Variants in TUBB6 observed in about 807,000 individuals in gnomAD.
TUBB6 encodes the protein tubulin beta-6 chain.
A neutral mutation model predicts 32.3 loss-of-function variants in TUBB6; 18 were observed. The ratio of observed to expected loss-of-function variants is 0.56; its 90% CI spans 0.39 to 0.83. The LOEUF (loss-of-function observed/expected upper bound fraction) is 0.83. Ranked by LOEUF, TUBB6 falls within the 40% of genes least tolerant of loss-of-function variation. TUBB6 has a pLI of 0.00. For synonymous variants in TUBB6, 280 were observed against 265.8 expected (o/e 1.05, Z -0.52); for missense variants, 480 against 632.0 (o/e 0.76, Z 2.58).
chr18:12,327,423 C>A (rs1216734306), downstream of TUBB6, among the ~76,000 whole-genome samples: 1 of 152,256 alleles, frequency 6.6e-6, no homozygotes. Flanking sequence ...CCAGGCCTTA[C>A]ATTGACTAGC....
chr18:12,320,161 G>A (rs1191317551), intron 3 of TUBB6, among the ~76,000 whole-genome samples: 1 of 152,046 alleles, frequency 6.6e-6, no homozygotes, highest in Non-Finnish European at 1.5e-5. Context: ...CCAGGAGTTG[G>A]AGGCTGCAGT....
chr18:12,310,857 C>G, intron 2 of TUBB6, 86 bp from the exon 3 acceptor site: 1 of 871,490 alleles, frequency 1.1e-6, no homozygotes, highest in South Asian at 1.6e-5. Context: ...TTCCAGGCAG[C>G]TAGAACTGGT....
intron 3 of TUBB6, among the ~76,000 whole-genome samples, chr18:12,315,717 C>T (rs1170024323): frequency 6.6e-6 from 1 of 152,198 alleles, no homozygotes; most frequent in Admixed American, 6.5e-5. Flanking sequence ...GCACGCTGCA[C>T]TGTTTCCCAG....
At chr18:12,310,510 C>T (rs1458612207) in intron 2 of TUBB6, among the ~76,000 whole-genome samples, 1 of 139,968 alleles carries the variant, frequency 7.1e-6, no homozygotes, top group Admixed American at 7.2e-5. Context: ...AAAAAAAAGA[C>T]AAGGTCTCAC....
downstream of TUBB6, chr18:12,329,406 G>C (rs1266656985): frequency 1.3e-5 from 10 of 796,716 alleles, no homozygotes; most frequent in Admixed American, 1.0e-4. Flanking sequence ...TGTGACCTCT[G>C]AGGCTGAAAG....
At chr18:12,308,160 GGGGCCCGCAGCCATTGGCGAGCGGC>G (rs1906090419), upstream of TUBB6, 11 of 429,406 alleles carry the variant, frequency 2.6e-5, no homozygotes, top group Non-Finnish European at 3.4e-5. Context: ...GCGGCGGGGC[GGGGCCCGCAGCCATTGGCGAGCGGC>G]GGGGCGGGGG....
intron 2 of TUBB6, among the ~76,000 whole-genome samples, chr18:12,310,163 G>A (rs1006533446): frequency 6.6e-6 from 1 of 152,082 alleles, no homozygotes; most frequent in Non-Finnish European, 1.5e-5. Context: ...CAGTGTTAAG[G>A]TTCTAGGATT....
At chr18:12,310,568 T>C (rs984690282) in intron 2 of TUBB6, among the ~76,000 whole-genome samples, 1 of 151,380 alleles carries the variant, frequency 6.6e-6, no homozygotes, top group Non-Finnish European at 1.5e-5. Flanking sequence ...CTTGACCTCC[T>C]GGGTTCAGAT....
intron 3 of TUBB6, among the ~76,000 whole-genome samples, chr18:12,319,784 T>G (rs2144152533): frequency 6.6e-6 from 1 of 152,130 alleles, no homozygotes; most frequent in Middle Eastern, 3.4e-3. Flanking sequence ...GGGGACCCTC[T>G]CTACAAAATT....
chr18:12,311,182 C>T, intron 3 of TUBB6, 129 bp downstream of exon 3: 1 of 756,130 alleles, frequency 1.3e-6, no homozygotes, highest in South Asian at 1.7e-5. Context: ...CCCAGCCCCA[C>T]CCCTCCCATC....
intron 3 of TUBB6, among the ~76,000 whole-genome samples, chr18:12,314,633 T>C (rs1906571950): frequency 6.6e-6 from 1 of 152,146 alleles, no homozygotes; most frequent in African/African-American, 2.4e-5. Context: ...TCTGTGAATT[T>C]TTATAGATAA....
At chr18:12,308,576 G>C (rs1264768331) in intron 1 of TUBB6, 111 bp from the exon 2 acceptor site, 1 of 854,126 alleles carries the variant, frequency 1.2e-6, no homozygotes, top group Non-Finnish European at 1.8e-6. Flanking sequence ...GGCTGCCGGC[G>C]GCTCAGGCGC....
chr18:12,310,075 G>A (rs1050860937), intron 2 of TUBB6, among the ~76,000 whole-genome samples: 8 of 152,218 alleles, frequency 5.3e-5, no homozygotes, highest in African/African-American at 1.9e-4. Flanking sequence ...TAGGCAGGAA[G>A]TCAGGGGACT....
In TUBB6 at chr18:12,325,550, C is replaced by T. The variant is rs151021472; in HGVS notation, c.761C>T (p.Ala254Val). 1.7e-5 allele frequency: 27 copies of T among 1,614,080 alleles called. No homozygotes were observed. Among genetic ancestry groups the T allele is most frequent in the Non-Finnish European group, 2.3e-5 (27 of 1,180,046 alleles). The change falls in exon 4 of 4, where the codon GCG becomes GTG. Residue 254 changes from alanine (A) to valine (V), a missense_variant. Physicochemically the swap from Ala to Val is moderately conservative, Grantham distance 64. Coordinates refer to ENST00000317702, the MANE Select transcript of TUBB6 (RefSeq NM_032525.3). ...GQLNADLRKLAVNMVPFPRLH... is the reference protein window; with the variant it reads ...GQLNADLRKLVVNMVPFPRLH... Reference sequence around the variant, plus strand: ...CTCAATGCTGACCTGCGCAAGCTGGCGGTGAACATGGTGCCCTTCCCGCGC... The same window carrying T: ...CTCAATGCTGACCTGCGCAAGCTGGTGGTGAACATGGTGCCCTTCCCGCGC...
At chr18:12,308,641 G>C in intron 1 of TUBB6, 46 bp from the exon 2 acceptor site, 1 of 1,382,726 alleles carries the variant, frequency 7.2e-7, no homozygotes, top group East Asian at 2.3e-5. Flanking sequence ...CGGCGTCCCG[G>C]GCTCTGGGTT....
At chr18:12,324,554 A>G (rs868093975) in intron 3 of TUBB6, among the ~76,000 whole-genome samples, 6 of 150,944 alleles carry the variant, frequency 4.0e-5, no homozygotes, top group Middle Eastern at 6.8e-3. Flanking sequence ...GGTTCAAGCA[A>G]TTCTCCTGCC....
At chr18:12,323,769 C>T (rs1470637788) in intron 3 of TUBB6, among the ~76,000 whole-genome samples, 1 of 151,852 alleles carries the variant, frequency 6.6e-6, no homozygotes, top group Admixed American at 6.6e-5. Flanking sequence ...GATCGCACCA[C>T]TGCACCTCCA....
chr18:12,321,503 C>T (rs566713079), intron 3 of TUBB6, among the ~76,000 whole-genome samples: 2 of 152,296 alleles, frequency 1.3e-5, no homozygotes, highest in South Asian at 2.1e-4. Context: ...CTTGCTTACC[C>T]GATGTAGCAC....
chr18:12,328,348 C>A (rs1907403668), downstream of TUBB6, among the ~76,000 whole-genome samples: 1 of 152,258 alleles, frequency 6.6e-6, no homozygotes, highest in African/African-American at 2.4e-5. Flanking sequence ...ATGCCAGTGT[C>A]TCCTCCATGT....
Sources: allele counts gnomAD v4.1 joint callset (sites outside exome capture counted in the v4.1 genomes callset), GRCh38; gene constraint gnomAD v4.1.1; transcripts MANE v1.5; gene names NCBI Gene and HGNC (gene_info 2026-07-23, HGNC 2026-07-21).